Variants in ZNF682 observed in about 807,000 individuals in gnomAD.
The protein encoded by ZNF682 is zinc finger protein 682.
A neutral mutation model predicts 36.5 loss-of-function variants in ZNF682; 29 were observed. That is an observed-to-expected ratio of 0.80 (90% CI 0.59 to 1.08). The LOEUF (loss-of-function observed/expected upper bound fraction) is 1.08, where lower values mean the gene tolerates loss of function less well. ZNF682 is among the 50% of genes least tolerant of loss of function. ZNF682 has a pLI of 0.00. For synonymous variants in ZNF682, 180 were observed against 197.0 expected (o/e 0.91, Z 0.72); for missense variants, 561 against 579.7 (o/e 0.97, Z 0.33).
chr19:20,029,122 G>A lies in ZNF682; in HGVS notation c.4-4746C>T, dbSNP rs556412036. ...GCCTCCTGAGTCACTGGGATTATAGGTGCCTGCCACCACGGCCAGCTAATT... is the reference window on the plus strand; with the variant it reads ...GCCTCCTGAGTCACTGGGATTATAGATGCCTGCCACCACGGCCAGCTAATT... On this transcript the variant is annotated intron_variant, in intron 1 of 3. Coordinates refer to ENST00000397165, the MANE Select transcript of ZNF682 (RefSeq NM_033196.3). Among the ~76,000 whole-genome samples the A allele has an allele frequency of 5.9e-5, 9 of 151,720 alleles. No homozygotes were observed. In the East Asian group the frequency reaches 1.2e-3, roughly 20 times the overall value.
chr19:20,039,068 C>G, intron 1 of ZNF682: 1 of 1,219,766 alleles, frequency 8.2e-7, no homozygotes, highest in Non-Finnish European at 1.1e-6. Context: ...TCCCCGCAGT[C>G]GGGGCAGACG....
intron 1 of ZNF682, among the ~76,000 whole-genome samples, chr19:20,038,158 G>A (rs1374197233): frequency 1.3e-5 from 2 of 151,996 alleles, no homozygotes; most frequent in African/African-American, 2.4e-5. Flanking sequence ...CTGATAAGGT[G>A]TCTGTGCCTA....
chr19:20,028,841 A>AT (rs1568546014), intron 1 of ZNF682, among the ~76,000 whole-genome samples: 1 of 152,202 alleles, frequency 6.6e-6, no homozygotes, highest in African/African-American at 2.4e-5. Flanking sequence ...GAAGCACACT[A>AT]TAGAGCATTG....
chr19:20,018,210 C>G (rs1316752243), intron 3 of ZNF682, among the ~76,000 whole-genome samples: 1 of 149,046 alleles, frequency 6.7e-6, no homozygotes, highest in Non-Finnish European at 1.5e-5. Context: ...TCTCCCGCCT[C>G]AGCCTCCCAA....
At chr19:20,018,493 TATAAAGA>T (rs2088357562) in intron 3 of ZNF682, among the ~76,000 whole-genome samples, 1 of 152,056 alleles carries the variant, frequency 6.6e-6, no homozygotes, top group Non-Finnish European at 1.5e-5. Flanking sequence ...TACCCAAAGC[TATAAAGA>T]TAGAAATAAT....
intron 1 of ZNF682, among the ~76,000 whole-genome samples, chr19:20,034,550 G>A (rs557930173): frequency 1.1e-4 from 16 of 152,174 alleles, no homozygotes; most frequent in South Asian, 2.1e-4. Flanking sequence ...AGACCGAGGC[G>A]GACGGATCAC....
chr19:20,006,239 T>G lies in ZNF682; in HGVS notation c.1263A>C (p.Gly421=). Reference sequence around the variant, plus strand: ...ATTCTTCACAGTTGTAGGGTTTCTCTCCAGTATGAATTCTCTTATGTTCAG... The same window carrying G: ...ATTCTTCACAGTTGTAGGGTTTCTCGCCAGTATGAATTCTCTTATGTTCAG... ...ILTEHKRIHT[G]EKPYNCEECG... is the part of the protein sequence containing the mutation. The change falls in exon 4 of 4, where the codon GGA becomes GGC. Residue 421 remains glycine, a synonymous_variant. Coordinates refer to ENST00000397165, the MANE Select transcript of ZNF682 (RefSeq NM_033196.3). 1 of 1,613,762 alleles carries G rather than the reference T, an allele frequency of 6.2e-7. No homozygotes were observed. Among genetic ancestry groups the G allele is most frequent in the Non-Finnish European group, 8.5e-7 (1 of 1,179,914 alleles).
At chr19:20,032,299 G>A (rs2088486156) in intron 1 of ZNF682, among the ~76,000 whole-genome samples, 1 of 152,310 alleles carries the variant, frequency 6.6e-6, no homozygotes, top group South Asian at 2.1e-4. Flanking sequence ...AAATTCTTAG[G>A]TCTAATCAAT....
chr19:20,014,287 C>T lies in ZNF682; in HGVS notation c.227-7012G>A, dbSNP rs2088314898. 2.6e-5 allele frequency among the ~76,000 whole-genome samples: 4 copies of T among 151,914 alleles called. No individual in the cohort carries two copies. The South Asian group carries it at 8.3e-4, about 32-fold the overall frequency. ...CTAGCATAAAGGCAGACAATTAGAC[C>T]AATGAAAAAGAATGTAGCACAGATA... is the stretch of plus-strand genomic sequence containing the variant. On this transcript the variant is annotated intron_variant, in intron 3 of 3. Coordinates refer to ENST00000397165, the MANE Select transcript of ZNF682 (RefSeq NM_033196.3).
downstream of ZNF682, among the ~76,000 whole-genome samples, chr19:19,995,226 G>C (rs1479666577): frequency 2.0e-5 from 3 of 152,166 alleles, no homozygotes; most frequent in Non-Finnish European, 4.4e-5. Flanking sequence ...GCAGATTGCA[G>C]ACATAATAAG....
Position 20,006,882 on chromosome 19 carries a change from C to T in ZNF682, c.620G>A (p.Gly207Asp), listed in dbSNP as rs1487107056. The T allele has an allele frequency of 6.2e-7, 1 of 1,613,968 alleles. No homozygotes were observed. The highest frequency in any genetic ancestry group is 8.5e-7 in the Non-Finnish European group (1 of 1,179,898). ...EEKLCICEECGKTFKWFSYLT... is the reference protein window; with the variant it reads ...EEKLCICEECDKTFKWFSYLT... The stretch of plus-strand genomic sequence containing the variant: ...GTATGAGAACCACTTAAAGGTTTTG[C>T]CACATTCCTCACATATGCAGAGTTT... The change falls in exon 4 of 4, where the codon GGC becomes GAC. Residue 207 changes from glycine to aspartate, a missense_variant. Physicochemically the swap from Gly to Asp is moderately conservative, Grantham distance 94. Transcript: ENST00000397165.
In ZNF682 at chr19:20,037,697, T is replaced by C. The variant is rs183515628; in HGVS notation, c.3+1646A>G. ...AGATGCATTTTGCTTTGCAGGTTTT[T>C]GCACTGCCTCACTGGGTTGGGTGTT... On this transcript the variant is annotated intron_variant, in intron 1 of 3. Coordinates refer to ENST00000397165, the MANE Select transcript of ZNF682 (RefSeq NM_033196.3). 1.3e-4 allele frequency among the ~76,000 whole-genome samples: 20 copies of C among 152,324 alleles called. No homozygotes were observed. In the East Asian group the frequency reaches 3.9e-3, roughly 29 times the overall value.
intron 1 of ZNF682, among the ~76,000 whole-genome samples, chr19:20,028,457 C>T (rs192435436): frequency 6.6e-6 from 1 of 152,246 alleles, no homozygotes; most frequent in Non-Finnish European, 1.5e-5. Flanking sequence ...GGTGATCCGC[C>T]CTTCTCAGCC....
chr19:20,005,408 A>G lies in ZNF682; in HGVS notation c.*597T>C, dbSNP rs374025919. ...GTGTACTTTTTAAACAATTTTTTTC[A>G]TATTCATTACAGTTGTAGGGTTTCT... On this transcript the variant is annotated 3_prime_UTR_variant, in exon 4 of 4. Coordinates refer to ENST00000397165, the MANE Select transcript of ZNF682 (RefSeq NM_033196.3). 4 of 152,416 alleles carry G rather than the reference A, an allele frequency of 2.6e-5. No homozygotes were observed. The highest frequency in any genetic ancestry group is 7.2e-5 in the African/African-American group (3 of 41,540). The allele number at this position is 152,416 out of a possible 1,614,324, so 9.4% of individuals were successfully genotyped here.
chr19:20,006,465 C>T lies in ZNF682; in HGVS notation c.1037G>A (p.Cys346Tyr), dbSNP rs746985434. The T allele has an allele frequency of 2.5e-6, 4 of 1,614,050 alleles. No individual in the cohort carries two copies. The highest frequency in any genetic ancestry group is 3.4e-6 in the Non-Finnish European group (4 of 1,180,004). Residue 346 changes from cysteine to tyrosine, a missense_variant, in exon 4 of 4, where the codon TGT becomes TAT. By Grantham distance (194) the Cys-to-Tyr change is radical. Transcript: ENST00000397165. ...TGEKPYKCEE[C>Y]GKAFNSSSIL... ...TGATGATGAGTTAAAAGCTTTGCCA[C>T]ATTCTTCACATTTATAGGGTTTCTC...
intron 1 of ZNF682, among the ~76,000 whole-genome samples, chr19:20,024,621 T>C (rs2088416069): frequency 1.3e-5 from 2 of 152,186 alleles, no homozygotes. Context: ...GCAGATCACC[T>C]GAAGTCAGGA....
downstream of ZNF682, among the ~76,000 whole-genome samples, chr19:20,002,483 C>T (rs775711773): frequency 3.3e-5 from 5 of 152,188 alleles, no homozygotes; most frequent in Admixed American, 1.3e-4. Flanking sequence ...ACTAAATACA[C>T]GTATATTAAG....
At chr19:20,035,732 T>C (rs1003471928) in intron 1 of ZNF682, among the ~76,000 whole-genome samples, 1 of 68,628 alleles carries the variant, frequency 1.5e-5, no homozygotes, top group African/African-American at 5.4e-5. Context: ...TTGTACAAAA[T>C]ACTGTTTGTT....
intron 1 of ZNF682, among the ~76,000 whole-genome samples, chr19:20,028,463 C>G (rs1465484072): frequency 6.6e-6 from 1 of 152,140 alleles, no homozygotes; most frequent in East Asian, 1.9e-4. Context: ...CCGCCCTTCT[C>G]AGCCTCCCAA....
Sources: allele counts gnomAD v4.1 joint callset (sites outside exome capture counted in the v4.1 genomes callset), GRCh38; gene constraint gnomAD v4.1.1; transcripts MANE v1.5; gene names NCBI Gene and HGNC (gene_info 2026-07-23, HGNC 2026-07-21).